CNTN4: variants seen among roughly 807,000 people sequenced by gnomAD.
CNTN4 encodes contactin-4.
Under a neutral mutation model 122.5 loss-of-function variants are expected in CNTN4, and 77 were observed. The ratio of observed to expected loss-of-function variants is 0.63; its 90% confidence interval spans 0.52 to 0.76. The LOEUF is 0.76. Ranked by LOEUF, CNTN4 falls within the 30% of genes least tolerant of loss-of-function variation. The pLI is 0.00. For missense variants in CNTN4, 1,256 were observed against 1,259.1 expected (o/e 1.00, Z 0.04); for synonymous variants, 512 against 447.0 (o/e 1.15, Z -1.83).
intron 3 of CNTN4, among the ~76,000 whole-genome samples, chr3:2,354,205 T>A (rs921768062): frequency 2.0e-5 from 3 of 152,220 alleles, no homozygotes; most frequent in Non-Finnish European, 4.4e-5. Flanking sequence ...TCAGAATTCA[T>A]AATCACTTCC....
At chr3:2,115,472 T>C (rs573325371) in intron 2 of CNTN4, among the ~76,000 whole-genome samples, 7 of 152,238 alleles carry the variant, frequency 4.6e-5, no homozygotes, top group Non-Finnish European at 8.8e-5. Context: ...GTTTATCCTC[T>C]TAGCTTTCTG....
intron 3 of CNTN4, among the ~76,000 whole-genome samples, chr3:2,472,105 C>T (rs948191142): frequency 6.7e-6 from 1 of 150,054 alleles, no homozygotes; most frequent in Non-Finnish European, 1.5e-5. Flanking sequence ...ATCCCAGCTA[C>T]TCAGAAGGCT....
chr3:2,788,892 G>T (rs769132428), intron 6 of CNTN4, among the ~76,000 whole-genome samples: 12 of 152,114 alleles, frequency 7.9e-5, no homozygotes, highest in Non-Finnish European at 1.3e-4. Flanking sequence ...AACAGTCAAA[G>T]ACTTTGGTCT....
chr3:2,841,988 A>G lies in CNTN4; in HGVS notation c.454+22407A>G, dbSNP rs547964915. On this transcript the variant is annotated intron_variant, in intron 7 of 24. Coordinates refer to ENST00000418658, the MANE Select transcript of CNTN4 (RefSeq NM_175607.3). This position sits in a 1 kb window ranked among gnomAD's most constrained non-coding sequence, Gnocchi z 4.8. ...CAGAAATAAATAAATAAATGAAGCT[A>G]GCTGCCCCCATTTTTTTCAAGAACA... Among the ~76,000 whole-genome samples, 3 of 152,322 alleles carry G rather than the reference A, an allele frequency of 2.0e-5. No individual in the cohort carries two copies. The East Asian group carries it at 5.8e-4, about 29-fold the overall frequency.
chr3:2,413,621 A>G (rs1429505850), intron 3 of CNTN4, among the ~76,000 whole-genome samples: 1 of 151,336 alleles, frequency 6.6e-6, no homozygotes, highest in African/African-American at 2.4e-5. Context: ...TCGGCTCACT[A>G]CAACCTCCAC....
At chr3:2,694,387 A>G (rs2149213038) in intron 4 of CNTN4, among the ~76,000 whole-genome samples, 1 of 152,354 alleles carries the variant, frequency 6.6e-6, no homozygotes, top group East Asian at 1.9e-4. Context: ...GAGTTTCTCT[A>G]AAGCAGAGTC....
chr3:2,395,575 A>T (rs182358678), intron 3 of CNTN4, among the ~76,000 whole-genome samples: 1 of 152,236 alleles, frequency 6.6e-6, no homozygotes, highest in Non-Finnish European at 1.5e-5. Context: ...CTGAATAGGC[A>T]GTTTTTCAGT....
rs530343148 is a variant in CNTN4, at chr3:2,409,213, T to A, written c.-89+69980T>A. On this transcript the variant is annotated intron_variant, in intron 3 of 24. Coordinates refer to ENST00000418658, the MANE Select transcript of CNTN4 (RefSeq NM_175607.3). The stretch of plus-strand genomic sequence containing the variant: ...TAATAAAAACGTTTGTTACTTTTTT[T>A]AAAGTTCTGAGTAATTTCTAGGTAT... 4.0e-5 allele frequency among the ~76,000 whole-genome samples: 6 copies of A among 151,848 alleles called. No homozygotes were observed. The East Asian group carries it at 1.2e-3, about 29-fold the overall frequency.
At chr3:2,815,082 G>A (rs1430061124) in intron 6 of CNTN4, among the ~76,000 whole-genome samples, 1 of 152,116 alleles carries the variant, frequency 6.6e-6, no homozygotes, top group Non-Finnish European at 1.5e-5. Flanking sequence ...TATACAAAAA[G>A]CAACTGAAAA....
intron 4 of CNTN4, among the ~76,000 whole-genome samples, chr3:2,585,909 C>T (rs2080181235): frequency 6.6e-6 from 1 of 151,448 alleles, no homozygotes; most frequent in South Asian, 2.1e-4. Context: ...GCTAGCTAGG[C>T]TCAGTGTTTC....
intron 2 of CNTN4, among the ~76,000 whole-genome samples, chr3:2,325,979 C>A (rs1199430491): frequency 2.0e-5 from 3 of 152,066 alleles, no homozygotes; most frequent in East Asian, 1.9e-4. Flanking sequence ...ATAAATATTT[C>A]TTTTAGAGGA....
At chr3:2,667,856 G>C (rs1033608518) in intron 4 of CNTN4, among the ~76,000 whole-genome samples, 34 of 151,888 alleles carry the variant, frequency 2.2e-4, no homozygotes, top group Non-Finnish European at 3.8e-4. Flanking sequence ...GGAATCCTTT[G>C]CCCATTTCTT....
At chr3:2,359,774 C>T (rs1035562963) in intron 3 of CNTN4, among the ~76,000 whole-genome samples, 2 of 152,242 alleles carry the variant, frequency 1.3e-5, no homozygotes, top group African/African-American at 4.8e-5. Flanking sequence ...CTCCTGACCT[C>T]GTGATCCACC....
At chr3:2,750,691 A>G (rs2090047108) in intron 6 of CNTN4, among the ~76,000 whole-genome samples, 2 of 152,192 alleles carry the variant, frequency 1.3e-5, no homozygotes, top group South Asian at 2.1e-4. Flanking sequence ...GCCTACTACC[A>G]TACCCTTTCT....
chr3:3,003,691 A>C (rs773457003), intron 14 of CNTN4, among the ~76,000 whole-genome samples: 1 of 141,980 alleles, frequency 7.0e-6, no homozygotes, highest in Non-Finnish European at 1.5e-5. Context: ...CACCAAAAAA[A>C]AAAAAAAAAA....
intron 3 of CNTN4, among the ~76,000 whole-genome samples, chr3:2,517,151 AG>A (rs1370428292): frequency 2.6e-5 from 4 of 152,082 alleles, no homozygotes; most frequent in Non-Finnish European, 4.4e-5. Context: ...ACAGAGAAAA[AG>A]GAGTGCTGTT....
chr3:2,176,800 A>C (rs2036766604), intron 2 of CNTN4, among the ~76,000 whole-genome samples: 1 of 152,196 alleles, frequency 6.6e-6, no homozygotes, highest in Non-Finnish European at 1.5e-5. Flanking sequence ...AAATAAAGAA[A>C]CTATACTAGC....
chr3:2,994,110 G>GT (rs1288820059), intron 14 of CNTN4, among the ~76,000 whole-genome samples: 5 of 152,042 alleles, frequency 3.3e-5, no homozygotes, highest in Non-Finnish European at 4.4e-5. Flanking sequence ...ATGACCTGGT[G>GT]TTTTTTTAAA....
At chr3:2,335,434 G>A (rs146943218) in intron 2 of CNTN4, among the ~76,000 whole-genome samples, 1 of 152,078 alleles carries the variant, frequency 6.6e-6, no homozygotes, top group Non-Finnish European at 1.5e-5. Flanking sequence ...TTATTCGAAA[G>A]GAAGCTGAGC....
Sources: gnomAD v4.1 joint callset for allele counts (sites outside exome capture counted in the v4.1 genomes callset) on GRCh38, gnomAD v4.1.1 for gene constraint, Gnocchi (gnomAD v3.1) non-coding constraint, MANE v1.5 for transcripts, NCBI Gene and HGNC (gene_info 2026-07-23, HGNC 2026-07-21) for gene names.